Variants in GPC6 observed in about 807,000 individuals in gnomAD.
GPC6 encodes the protein glypican 6.
GPC6 carries 14 observed loss-of-function variants against 55.2 expected under a neutral mutation model. The observed-to-expected ratio is 0.25, with a 90% CI of 0.17 to 0.40. GPC6 has a LOEUF of 0.40. Ranked by LOEUF, GPC6 falls within the 10% of genes least tolerant of loss-of-function variation. GPC6 has a pLI of 1.00. For missense variants in GPC6, 641 were observed against 708.5 expected (o/e 0.90, Z 1.08); for synonymous variants, 278 against 259.6 (o/e 1.07, Z -0.68).
chr13:93,550,397 C>T (rs1875081999), intron 2 of GPC6, among the ~76,000 whole-genome samples: 1 of 151,926 alleles, frequency 6.6e-6, no homozygotes, highest in Admixed American at 6.6e-5. Flanking sequence ...ACTTTCCTTC[C>T]TGGCTTTTAT....
intron 4 of GPC6, among the ~76,000 whole-genome samples, chr13:94,245,911 C>CTATTT (rs1177457354): frequency 1.3e-5 from 2 of 152,032 alleles, no homozygotes; most frequent in Non-Finnish European, 2.9e-5. Context: ...TATGATAATT[C>CTATTT]TATTTTAATT....
chr13:93,519,453 C>T (rs1246405242), intron 1 of GPC6, among the ~76,000 whole-genome samples: 2 of 151,948 alleles, frequency 1.3e-5, no homozygotes, highest in Non-Finnish European at 2.9e-5. Context: ...AAGATAGAAA[C>T]ACTAAACAAA....
intron 2 of GPC6, among the ~76,000 whole-genome samples, chr13:93,581,444 C>T (rs1348662176): frequency 6.6e-6 from 1 of 152,186 alleles, no homozygotes; most frequent in East Asian, 1.9e-4. Flanking sequence ...TATTGTGGCT[C>T]ATGCCCTAAT....
At chr13:93,660,964 A>G (rs1880896892) in intron 2 of GPC6, among the ~76,000 whole-genome samples, 1 of 152,198 alleles carries the variant, frequency 6.6e-6, no homozygotes, top group South Asian at 2.1e-4. Context: ...GGTTGGGTTC[A>G]ATGGAGGAAA....
At chr13:93,974,031 G>A (rs1880409721) in intron 3 of GPC6, among the ~76,000 whole-genome samples, 1 of 152,170 alleles carries the variant, frequency 6.6e-6, no homozygotes, top group African/African-American at 2.4e-5. Flanking sequence ...TTTCAGAGGA[G>A]CTTTTCTTCT....
At chr13:93,379,679 A>G (rs962020243) in intron 1 of GPC6, among the ~76,000 whole-genome samples, 1 of 152,186 alleles carries the variant, frequency 6.6e-6, no homozygotes, top group Non-Finnish European at 1.5e-5. Flanking sequence ...GTTGAATACA[A>G]TGAAACCATA....
intron 4 of GPC6, among the ~76,000 whole-genome samples, chr13:94,213,845 A>G (rs920368303): frequency 1.3e-5 from 2 of 152,196 alleles, no homozygotes; most frequent in African/African-American, 4.8e-5. Context: ...AGATGCTGCA[A>G]ATTACATTGT....
chr13:93,315,650 T>C (rs1039629929), intron 1 of GPC6, among the ~76,000 whole-genome samples: 1 of 151,944 alleles, frequency 6.6e-6, no homozygotes, highest in African/African-American at 2.4e-5. Context: ...AGACTAAAAG[T>C]GTACCTAAGA....
intron 1 of GPC6, among the ~76,000 whole-genome samples, chr13:93,435,999 A>C (rs1012783923): frequency 6.6e-6 from 1 of 152,166 alleles, no homozygotes; most frequent in Admixed American, 6.5e-5. Flanking sequence ...CGCTGATCAT[A>C]GTCCTGGAAG....
chr13:93,564,875 G>C (rs1462430854), intron 2 of GPC6, among the ~76,000 whole-genome samples: 1 of 152,182 alleles, frequency 6.6e-6, no homozygotes, highest in African/African-American at 2.4e-5. Flanking sequence ...AAGTCTATTT[G>C]TTAATTCTCT....
chr13:94,033,080 G>A (rs760907983), intron 4 of GPC6, among the ~76,000 whole-genome samples: 3 of 152,150 alleles, frequency 2.0e-5, no homozygotes, highest in African/African-American at 4.8e-5. Context: ...TCTTTGAATC[G>A]AATAATGGAC....
At chr13:93,368,312 CTT>C (rs1236538061) in intron 1 of GPC6, among the ~76,000 whole-genome samples, 96 of 143,466 alleles carry the variant, frequency 6.7e-4, no homozygotes, top group African/African-American at 2.3e-3. Context: ...TCCTTCCCTC[CTT>C]CCCTCCTTCC....
At chr13:93,549,532 TATA>T (rs1434536331) in intron 2 of GPC6, among the ~76,000 whole-genome samples, 1 of 152,138 alleles carries the variant, frequency 6.6e-6, no homozygotes, top group Non-Finnish European at 1.5e-5. Flanking sequence ...ACGCAGATGT[TATA>T]ATAAATGGCA....
At chr13:93,566,192 T>C (rs1012052062) in intron 2 of GPC6, among the ~76,000 whole-genome samples, 2 of 152,188 alleles carry the variant, frequency 1.3e-5, no homozygotes, top group Non-Finnish European at 2.9e-5. Flanking sequence ...GTAATAATCA[T>C]GCTGCAAGCC....
intron 2 of GPC6, among the ~76,000 whole-genome samples, chr13:93,556,299 T>G (rs1210511261): frequency 6.6e-6 from 1 of 151,522 alleles, no homozygotes; most frequent in African/African-American, 2.4e-5. Context: ...GGGTTACTTT[T>G]TTTTGCTAGG....
Position 94,331,374 on chromosome 13 carries a change from G to A in GPC6, c.1152+25251G>A, listed in dbSNP as rs374175331. On this transcript the variant is annotated intron_variant, in intron 6 of 8. Transcript: ENST00000377047. Reference sequence around the variant, plus strand: ...ATCCTTTCAGAGAGGAAGTTTGCCCGTCCCTGATTTACAGCAACCCCTAAA... The same window carrying A: ...ATCCTTTCAGAGAGGAAGTTTGCCCATCCCTGATTTACAGCAACCCCTAAA... Among the ~76,000 whole-genome samples, 45 of 152,118 alleles carry A rather than the reference G, an allele frequency of 3.0e-4. No homozygotes were observed. In the East Asian group the frequency reaches 4.6e-3, roughly 16 times the overall value.
At chr13:94,067,455 C>A (rs565322408) in intron 4 of GPC6, among the ~76,000 whole-genome samples, 3 of 151,186 alleles carry the variant, frequency 2.0e-5, no homozygotes, top group Admixed American at 2.0e-4. Context: ...GGTCATGAAA[C>A]ATAGGCCTCT....
chr13:93,542,739 C>A (rs12559923), intron 1 of GPC6, among the ~76,000 whole-genome samples: 2 of 152,234 alleles, frequency 1.3e-5, no homozygotes, highest in African/African-American at 2.4e-5. Context: ...AGGTCCATCA[C>A]GTCCCTTGTA....
chr13:93,990,385 T>C (rs544319975), intron 3 of GPC6, among the ~76,000 whole-genome samples: 1 of 152,118 alleles, frequency 6.6e-6, no homozygotes, highest in African/African-American at 2.4e-5. Flanking sequence ...AGGGCCTGCA[T>C]GTGTGTGAAT....
Sources: gnomAD v4.1 joint callset for allele counts (sites outside exome capture counted in the v4.1 genomes callset) on GRCh38, gnomAD v4.1.1 for gene constraint, MANE v1.5 for transcripts, NCBI Gene and HGNC (gene_info 2026-07-23, HGNC 2026-07-21) for gene names.